Variants in ARHGAP15 observed in about 807,000 individuals in gnomAD.
ARHGAP15 encodes the protein Rho GTPase activating protein 15.
In ARHGAP15, 51 loss-of-function variants were observed where a neutral mutation model predicts 63.7. The ratio of observed to expected loss-of-function variants is 0.80; its 90% CI spans 0.64 to 1.01. The LOEUF (loss-of-function observed/expected upper bound fraction) is 1.01. ARHGAP15 is among the 50% of genes least tolerant of loss of function. The pLI is 0.00. For synonymous variants in ARHGAP15, 191 were observed against 193.8 expected, an observed-to-expected ratio of 0.99 and a Z score of 0.12; for missense variants, 560 against 564.6, an observed-to-expected ratio of 0.99 and a Z score of 0.08.
chr2:143,667,862 C>G lies in ARHGAP15; in HGVS notation c.1139-35557C>G, dbSNP rs962505168. ...AATTAGCCAGGCTTGGTGGCATGTG[C>G]CTGTTGTGCCATCTACTCAGGAAGC... On this transcript the variant is annotated intron_variant, in intron 12 of 13. Coordinates refer to ENST00000295095, the MANE Select transcript of ARHGAP15 (RefSeq NM_018460.4). Among the ~76,000 whole-genome samples the G allele has an allele frequency of 2.0e-5, 3 of 151,926 alleles. No homozygotes were observed. In the South Asian group the frequency reaches 6.2e-4, roughly 32 times the overall value.
Position 143,235,846 on chromosome 2 carries a change from G to T in ARHGAP15, c.384+7178G>T, listed in dbSNP as rs539694877. ...GACTCACACTCCTTGTATTTTTCAG[G>T]TACACTTTCCTATTTTAGTATCAGT... On this transcript the variant is annotated intron_variant, in intron 5 of 13. Transcript: ENST00000295095. 6.5e-5 allele frequency: 89 copies of T among 1,374,478 alleles called. No individual in the cohort carries two copies. In the African/African-American group the frequency reaches 1.2e-3, roughly 19 times the overall value. 85.1% of individuals were successfully genotyped at this position (1,374,478 alleles called of 1,614,324 possible).
intron 6 of ARHGAP15, among the ~76,000 whole-genome samples, chr2:143,322,940 T>G (rs1684090097): frequency 6.6e-6 from 1 of 152,254 alleles, no homozygotes; most frequent in Non-Finnish European, 1.5e-5. Context: ...ATCAACCAAC[T>G]GGTTGTCTGT....
At chr2:143,383,744 T>C (rs1342036097) in intron 6 of ARHGAP15, among the ~76,000 whole-genome samples, 2 of 152,216 alleles carry the variant, frequency 1.3e-5, no homozygotes, top group African/African-American at 2.4e-5. Flanking sequence ...TTTTGTCTCC[T>C]AATTCATTTG....
intron 12 of ARHGAP15, among the ~76,000 whole-genome samples, chr2:143,628,290 A>C (rs1698918495): frequency 6.6e-6 from 1 of 152,150 alleles, no homozygotes; most frequent in Non-Finnish European, 1.5e-5. Context: ...TGAACATGCA[A>C]GTACTTGTGT....
At chr2:143,570,797 T>C (rs1025332005) in intron 11 of ARHGAP15, among the ~76,000 whole-genome samples, 4 of 152,212 alleles carry the variant, frequency 2.6e-5, no homozygotes, top group African/African-American at 9.6e-5. Context: ...AAAGAGAAGA[T>C]ATGTCTTGTT....
intron 6 of ARHGAP15, among the ~76,000 whole-genome samples, chr2:143,279,828 T>C (rs1216675248): frequency 3.3e-5 from 5 of 152,190 alleles, no homozygotes; most frequent in Admixed American, 2.6e-4. Context: ...TTTTGGTAAC[T>C]GCAGCTGCTA....
chr2:143,312,486 AAAAAG>A (rs1157122873), intron 6 of ARHGAP15, among the ~76,000 whole-genome samples: 1 of 152,144 alleles, frequency 6.6e-6, no homozygotes, highest in African/African-American at 2.4e-5. Flanking sequence ...AAAAAGAAAA[AAAAAG>A]CATGTTCAAA....
intron 10 of ARHGAP15, among the ~76,000 whole-genome samples, chr2:143,533,698 G>A (rs1337104669): frequency 6.6e-6 from 1 of 152,090 alleles, no homozygotes; most frequent in Non-Finnish European, 1.5e-5. Context: ...TTCCAAGCTT[G>A]GTACCCTCCT....
chr2:143,455,475 T>C (rs1690604822), intron 8 of ARHGAP15, among the ~76,000 whole-genome samples: 1 of 152,080 alleles, frequency 6.6e-6, no homozygotes, highest in Non-Finnish European at 1.5e-5. Flanking sequence ...CTTAAACTCT[T>C]GGGATTGCAG....
intron 13 of ARHGAP15, among the ~76,000 whole-genome samples, chr2:143,723,121 C>G (rs915695099): frequency 6.6e-6 from 1 of 152,198 alleles, no homozygotes; most frequent in African/African-American, 2.4e-5. Context: ...AGTACAGTAA[C>G]ATGCTGTGCA....
chr2:143,439,442 A>AT, intron 8 of ARHGAP15, among the ~76,000 whole-genome samples: 1 of 147,476 alleles, frequency 6.8e-6, no homozygotes, highest in South Asian at 2.1e-4. Context: ...AAAAAAAAAA[A>AT]AAAAAAGGGA....
At chr2:143,631,635 T>A (rs926746767) in intron 12 of ARHGAP15, among the ~76,000 whole-genome samples, 1 of 152,082 alleles carries the variant, frequency 6.6e-6, no homozygotes, top group African/African-American at 2.4e-5. Flanking sequence ...AGAAACCTAC[T>A]TTTTCAAAAA....
intron 12 of ARHGAP15, among the ~76,000 whole-genome samples, chr2:143,701,858 T>A (rs1465287474): frequency 6.6e-6 from 1 of 152,198 alleles, no homozygotes; most frequent in Non-Finnish European, 1.5e-5. Context: ...TAGCTCATAG[T>A]ACAGCCACTC....
At chr2:143,560,541 C>T (rs1695975647) in intron 11 of ARHGAP15, among the ~76,000 whole-genome samples, 1 of 152,234 alleles carries the variant, frequency 6.6e-6, no homozygotes, top group African/African-American at 2.4e-5. Context: ...CATTATTCTG[C>T]ATTTCCAATT....
chr2:143,506,865 T>C (rs1693347757), intron 9 of ARHGAP15, among the ~76,000 whole-genome samples: 1 of 148,344 alleles, frequency 6.7e-6, no homozygotes, highest in Non-Finnish European at 1.5e-5. Flanking sequence ...GAAAAAAATA[T>C]TGAAATATTA....
intron 3 of ARHGAP15, among the ~76,000 whole-genome samples, chr2:143,208,467 T>C (rs545592492): frequency 6.6e-6 from 1 of 152,182 alleles, no homozygotes. Context: ...ATTTATTTCT[T>C]TTGAATATTG....
chr2:143,751,977 TTGATA>T (rs1267057753), intron 13 of ARHGAP15, among the ~76,000 whole-genome samples: 3 of 152,188 alleles, frequency 2.0e-5, no homozygotes, highest in African/African-American at 7.2e-5. Flanking sequence ...AGACAGTGAT[TTGATA>T]TATCATTCAA....
intron 6 of ARHGAP15, among the ~76,000 whole-genome samples, chr2:143,324,966 C>G (rs1302312169): frequency 1.3e-5 from 2 of 152,134 alleles, no homozygotes; most frequent in African/African-American, 4.8e-5. Flanking sequence ...AAATTAGATT[C>G]ATTCTCTAGC....
intron 12 of ARHGAP15, among the ~76,000 whole-genome samples, chr2:143,664,980 T>C (rs372057704): frequency 5.3e-5 from 8 of 151,434 alleles, no homozygotes; most frequent in East Asian, 3.9e-4. Flanking sequence ...CCGAATTCTA[T>C]CAGAGGTACA....
Sources: gnomAD v4.1 joint callset for allele counts (sites outside exome capture counted in the v4.1 genomes callset) on GRCh38, gnomAD v4.1.1 for gene constraint, MANE v1.5 for transcripts, NCBI Gene and HGNC (gene_info 2026-07-23, HGNC 2026-07-21) for gene names.